Variants in ITPR1 observed in about 807,000 individuals in gnomAD.
ITPR1 encodes inositol 1,4,5-trisphosphate-gated calcium channel ITPR1.
In ITPR1, 96 loss-of-function variants were observed where a neutral mutation model predicts 318.4. That is an observed-to-expected ratio of 0.30 (90% confidence interval 0.26 to 0.36). ITPR1 has a LOEUF of 0.36. Ranked by LOEUF, ITPR1 falls within the 10% of genes least tolerant of loss-of-function variation. The pLI is 1.00. For missense variants in ITPR1, 2,440 were observed against 3,460.2 expected, an observed-to-expected ratio of 0.71 and a Z score of 7.40; for synonymous variants, 1,312 against 1,289.9, an observed-to-expected ratio of 1.02 and a Z score of -0.37.
At chr3:4,739,451 C>A (rs2043538153) in intron 44 of ITPR1, among the ~76,000 whole-genome samples, 1 of 152,108 alleles carries the variant, frequency 6.6e-6, no homozygotes, top group Non-Finnish European at 1.5e-5. Flanking sequence ...TACACAGTTC[C>A]AGAAATGTAT....
At chr3:4,560,303 T>C (rs545637856) in intron 4 of ITPR1, among the ~76,000 whole-genome samples, 1 of 152,290 alleles carries the variant, frequency 6.6e-6, no homozygotes, top group East Asian at 1.9e-4. Context: ...CTTCCCCCAG[T>C]TAATGTAATA....
intron 4 of ITPR1, among the ~76,000 whole-genome samples, chr3:4,542,612 G>C (rs2084565537): frequency 6.6e-6 from 1 of 150,952 alleles, no homozygotes. Flanking sequence ...AAGTTACCTT[G>C]CCTTCCTATT....
intron 7 of ITPR1, among the ~76,000 whole-genome samples, chr3:4,642,896 A>G (rs1016858020): frequency 3.3e-5 from 5 of 152,358 alleles, no homozygotes; most frequent in Non-Finnish European, 5.9e-5. Flanking sequence ...TATCAGCTGT[A>G]TTTTTGACCT....
Position 4,638,241 on chromosome 3 carries a change from A to C in ITPR1, c.280-1143A>C, listed in dbSNP as rs1203357493. Reference sequence around the variant, plus strand: ...TGCCTTCGAAACCCTTCTGAAGAACACTCTTATCATCAGGGTTTTACCATC... The same window carrying C: ...TGCCTTCGAAACCCTTCTGAAGAACCCTCTTATCATCAGGGTTTTACCATC... On this transcript the variant is annotated intron_variant, in intron 5 of 61. Transcript: ENST00000649015. Among the ~76,000 whole-genome samples, 4 of 152,014 alleles carry C rather than the reference A, an allele frequency of 2.6e-5. No homozygotes were observed. The South Asian group carries it at 6.2e-4, about 24-fold the overall frequency.
chr3:4,558,885 C>T (rs753884236), intron 4 of ITPR1, among the ~76,000 whole-genome samples: 18 of 151,824 alleles, frequency 1.2e-4, no homozygotes, highest in Non-Finnish European at 1.9e-4. Flanking sequence ...CATTTGACCC[C>T]GGATACTTCC....
At chr3:4,510,184 G>A (rs2081700068) in intron 2 of ITPR1, among the ~76,000 whole-genome samples, 2 of 152,144 alleles carry the variant, frequency 1.3e-5, no homozygotes, top group Non-Finnish European at 2.9e-5. Flanking sequence ...CTGAGAGACA[G>A]CATGTGCAAA....
intron 44 of ITPR1, among the ~76,000 whole-genome samples, chr3:4,758,629 G>A (rs1405815914): frequency 1.3e-5 from 2 of 152,154 alleles, no homozygotes; most frequent in Non-Finnish European, 2.9e-5. Context: ...TCCTCCCCAG[G>A]ACCACTTGTT....
At chr3:4,745,067 TG>T (rs1575099611) in intron 44 of ITPR1, among the ~76,000 whole-genome samples, 2 of 144,678 alleles carry the variant, frequency 1.4e-5, no homozygotes, top group East Asian at 4.1e-4. Context: ...TCTCTTTCTG[TG>T]TTTTCTTTCT....
intron 39 of ITPR1, among the ~76,000 whole-genome samples, chr3:4,713,258 A>T (rs931436212): frequency 4.4e-4 from 67 of 152,226 alleles, no homozygotes; most frequent in African/African-American, 1.6e-3. Context: ...GGTTAAATCC[A>T]CCAAAGCTGA....
At chr3:4,665,442 A>G (rs750542945) in intron 17 of ITPR1, 146 bp downstream of exon 17, 5 of 661,912 alleles carry the variant, frequency 7.6e-6, no homozygotes, top group Non-Finnish European at 1.2e-5. Context: ...GGAAGGAAAC[A>G]CAAGCCCAGG....
In ITPR1 at chr3:4,642,170, A is replaced by G; in HGVS notation, c.444A>G (p.Arg148=). Residue 148 remains arginine (R), a synonymous_variant, in exon 7 of 62, where the codon AGA becomes AGG. Transcript: ENST00000649015. The part of the protein sequence containing the change: ...LPALLEKNAM[R]VTLDEAGNEG... Reference sequence around the variant, plus strand: ...CTCTGTTGGAGAAGAATGCCATGAGAGTCACATTGGACGAGGCTGGAAATG... The same window carrying G: ...CTCTGTTGGAGAAGAATGCCATGAGGGTCACATTGGACGAGGCTGGAAATG... The G allele has an allele frequency of 1.2e-6, 2 of 1,609,778 alleles. No individual in the cohort carries two copies. The highest frequency in any genetic ancestry group is 2.7e-5 in the African/African-American group (2 of 74,812).
At chr3:4,656,333 G>A (rs1246701894) in intron 12 of ITPR1, among the ~76,000 whole-genome samples, 1 of 152,176 alleles carries the variant, frequency 6.6e-6, no homozygotes, top group Non-Finnish European at 1.5e-5. Context: ...ACCATAGCCA[G>A]GTCAGAGTTT....
intron 5 of ITPR1, among the ~76,000 whole-genome samples, chr3:4,634,497 C>T (rs2093117661): frequency 6.6e-6 from 1 of 151,992 alleles, no homozygotes; most frequent in Admixed American, 6.6e-5. Flanking sequence ...CAGACATGAG[C>T]CATGGCATGA....
Position 4,735,114 on chromosome 3 carries a change from C to T in ITPR1, c.5354-50C>T, listed in dbSNP as rs1276929396. The T allele has an allele frequency of 5.5e-6, 8 of 1,450,194 alleles. No individual in the cohort carries two copies. The East Asian group carries it at 1.1e-4, about 21-fold the overall frequency. 89.8% of individuals were successfully genotyped at this position (1,450,194 alleles called of 1,614,324 possible). A position where few individuals can be genotyped will look rare whatever the true frequency, so the allele number is the denominator to read the frequency against. On this transcript the variant is annotated intron_variant, in intron 43 of 61. Coordinates refer to ENST00000649015, the MANE Select transcript of ITPR1 (RefSeq NM_001378452.1). ...TGGTGCGTAGTAAGTATGCAGCAAA[C>T]ATTAGCTGTTCTGATTGTGCTTAGT...
intron 44 of ITPR1, among the ~76,000 whole-genome samples, chr3:4,737,002 G>T (rs1300041025): frequency 3.3e-5 from 5 of 152,162 alleles, no homozygotes; most frequent in African/African-American, 1.2e-4. Flanking sequence ...ATGGATTCAG[G>T]TTGAAGACCT....
intron 54 of ITPR1, among the ~76,000 whole-genome samples, chr3:4,804,586 AC>A (rs1461632383): frequency 1.3e-5 from 2 of 152,080 alleles, no homozygotes. Flanking sequence ...GAAGTGGATC[AC>A]CCTGTTGTTA....
chr3:4,610,659 T>A (rs2092013892), intron 4 of ITPR1, among the ~76,000 whole-genome samples: 1 of 152,120 alleles, frequency 6.6e-6, no homozygotes, highest in Non-Finnish European at 1.5e-5. Context: ...AGAGTTCTCC[T>A]CAGCAAAGGG....
Position 4,676,786 on chromosome 3 carries a change from C to G in ITPR1, c.2952C>G (p.Ile984Met). The G allele has an allele frequency of 6.2e-7, 1 of 1,612,860 alleles. No homozygotes were observed. The highest frequency in any genetic ancestry group is 8.5e-7 in the Non-Finnish European group (1 of 1,179,440). Reference protein sequence around the residue: ...DIMVMDTKLKIIEILQFILNV... With the variant: ...DIMVMDTKLKMIEILQFILNV... ...TGGTCATGGACACCAAGCTGAAGATCATTGAGATACTCCAGGTATCCACTA... is the reference window on the plus strand; with the variant it reads ...TGGTCATGGACACCAAGCTGAAGATGATTGAGATACTCCAGGTATCCACTA... Residue 984 changes from isoleucine to methionine, a missense_variant, in exon 24 of 62, where the codon ATC becomes ATG. By Grantham distance (10) the Ile-to-Met change is conservative. This residue lies in a region of ITPR1 where 478 missense variants were observed against 696.3 expected (regional missense o/e 0.69). Coordinates refer to ENST00000649015, the MANE Select transcript of ITPR1 (RefSeq NM_001378452.1).
intron 5 of ITPR1, among the ~76,000 whole-genome samples, chr3:4,628,466 G>A (rs543234560): frequency 2.6e-5 from 4 of 152,282 alleles, no homozygotes; most frequent in South Asian, 2.1e-4. Flanking sequence ...CTCTCATCCT[G>A]TTTCACCTTC....
Sources: gnomAD v4.1 joint callset for allele counts (sites outside exome capture counted in the v4.1 genomes callset) on GRCh38, gnomAD v4.1.1 for gene constraint, gnomAD v4.1.1 regional missense constraint, MANE v1.5 for transcripts, NCBI Gene and HGNC (gene_info 2026-07-23, HGNC 2026-07-21) for gene names.